The following PAG1 variants were observed in gnomAD, a reference collection of about 807,000 sequenced individuals.
PAG1 encodes phosphoprotein membrane anchor with glycosphingolipid microdomains 1.
A neutral mutation model predicts 31.7 loss-of-function variants in PAG1; 23 were observed. The observed-to-expected ratio is 0.73, with a 90% CI of 0.52 to 1.03. The LOEUF is 1.03. Ranked by LOEUF, PAG1 falls within the 50% of genes least tolerant of loss-of-function variation. PAG1 has a pLI of 0.00. For missense variants in PAG1, 473 were observed against 540.7 expected (o/e 0.87, Z 1.24); for synonymous variants, 214 against 210.3 (o/e 1.02, Z -0.15).
chr8:81,059,192 T>C (rs979742897), intron 2 of PAG1, among the ~76,000 whole-genome samples: 3 of 152,148 alleles, frequency 2.0e-5, no homozygotes, highest in Admixed American at 2.0e-4. Context: ...TTGTAAATGC[T>C]ATGTAAGTAG....
chr8:81,065,872 AT>A (rs1162634771), intron 2 of PAG1, among the ~76,000 whole-genome samples: 3 of 151,592 alleles, frequency 2.0e-5, no homozygotes, highest in African/African-American at 4.8e-5. Context: ...TGTCATATAT[AT>A]ATATCAACAA....
chr8:81,091,726 G>C (rs928494032), intron 1 of PAG1, among the ~76,000 whole-genome samples: 4 of 151,938 alleles, frequency 2.6e-5, no homozygotes, highest in African/African-American at 9.7e-5. Context: ...AGTAGGACTT[G>C]GTAAATGCTA....
chr8:81,003,282 G>A (rs1373298728), intron 3 of PAG1, among the ~76,000 whole-genome samples: 1 of 152,128 alleles, frequency 6.6e-6, no homozygotes, highest in African/African-American at 2.4e-5. Flanking sequence ...TCTGGAGCGG[G>A]GCTCAAGAGT....
intron 3 of PAG1, among the ~76,000 whole-genome samples, chr8:81,002,115 G>A (rs887631117): frequency 1.3e-5 from 2 of 152,104 alleles, no homozygotes; most frequent in African/African-American, 4.8e-5. Context: ...CTACAGGCAG[G>A]CCAGTTTACT....
intron 3 of PAG1, among the ~76,000 whole-genome samples, chr8:81,017,676 A>C (rs1242005098): frequency 6.6e-6 from 1 of 152,228 alleles, no homozygotes; most frequent in Non-Finnish European, 1.5e-5. Context: ...TACAAAGAGC[A>C]GGAGCATTCC....
chr8:81,056,140 CT>C (rs1457043860), intron 2 of PAG1, among the ~76,000 whole-genome samples: 3 of 152,126 alleles, frequency 2.0e-5, no homozygotes, highest in Non-Finnish European at 4.4e-5. Context: ...CCATCAATAC[CT>C]AATTTGTTGA....
At chr8:81,026,663 G>A (rs894450122) in intron 3 of PAG1, among the ~76,000 whole-genome samples, 5 of 152,066 alleles carry the variant, frequency 3.3e-5, no homozygotes, top group Non-Finnish European at 7.4e-5. Flanking sequence ...CGGAAATTCC[G>A]CAGGAAAGGA....
Position 80,985,055 on chromosome 8 carries a change from G to T in PAG1, c.597C>A (p.Gly199=). The change falls in exon 7 of 9, where the codon GGC becomes GGA. Residue 199 remains glycine (G), a synonymous_variant. Transcript: ENST00000220597. ...EVAAAAHLEK[G]HSGKAKSTSA... ...AAGTAGATTTTGCCTTGCCACTGTGGCCTTTCTCCAGGTGTGCAGCTGCAG... is the reference window on the plus strand; with the variant it reads ...AAGTAGATTTTGCCTTGCCACTGTGTCCTTTCTCCAGGTGTGCAGCTGCAG... The T allele has an allele frequency of 6.2e-7, 1 of 1,614,098 alleles. No homozygotes were observed. Among genetic ancestry groups the T allele is most frequent in the Non-Finnish European group, 8.5e-7 (1 of 1,180,020 alleles).
Position 80,978,388 on chromosome 8 carries a change from G to A in PAG1, c.937-1482C>T, listed in dbSNP as rs550208325. On this transcript the variant is annotated intron_variant, in intron 8 of 8. Coordinates refer to ENST00000220597, the MANE Select transcript of PAG1 (RefSeq NM_018440.4). ...TTATAAGGAAGTGCAAACACAGAAT[G>A]TATTATCTAAATGGTGGTCCAAGCC... 5.3e-5 allele frequency among the ~76,000 whole-genome samples: 8 copies of A among 152,294 alleles called. No individual in the cohort carries two copies. The East Asian group carries it at 1.3e-3, about 26-fold the overall frequency.
chr8:81,090,528 GA>G (rs1809428007), intron 1 of PAG1, among the ~76,000 whole-genome samples: 1 of 152,222 alleles, frequency 6.6e-6, no homozygotes, highest in Admixed American at 6.5e-5. Context: ...TCCAGTGGGA[GA>G]AAGAGAGACC....
chr8:80,997,910 C>T (rs16908277), intron 3 of PAG1, among the ~76,000 whole-genome samples: 6,154 of 152,212 alleles, frequency 0.04, 425 homozygotes, highest in African/African-American at 0.14. Flanking sequence ...TGTATAATTT[C>T]GAACTACTGT....
chr8:81,077,527 T>C (rs1809198792), intron 1 of PAG1, among the ~76,000 whole-genome samples: 1 of 152,250 alleles, frequency 6.6e-6, no homozygotes. Context: ...CACATTTGAA[T>C]ACCAATTGTC....
intron 1 of PAG1, among the ~76,000 whole-genome samples, chr8:81,073,741 G>C (rs1233398480): frequency 6.6e-6 from 1 of 152,216 alleles, no homozygotes; most frequent in African/African-American, 2.4e-5. Context: ...TTCTAGTGGA[G>C]GTGGGGAACA....
chr8:81,008,602 T>C (rs1024659353), intron 3 of PAG1, among the ~76,000 whole-genome samples: 1 of 149,752 alleles, frequency 6.7e-6, no homozygotes, highest in South Asian at 2.1e-4. Context: ...ATACTACTAC[T>C]GTAAGAATTT....
In PAG1 at chr8:81,074,163, C is replaced by T. The variant is rs1809139088; in HGVS notation, c.-233-3993G>A. ...AAGAAGATGATCCAGAAAAGCAGAA[C>T]AATGGACAGAATAGCGGCACAGGGA... On this transcript the variant is annotated intron_variant, in intron 1 of 8. Transcript: ENST00000220597. Among the ~76,000 whole-genome samples, 3 of 152,276 alleles carry T rather than the reference C, an allele frequency of 2.0e-5. No individual in the cohort carries two copies. The South Asian group carries it at 6.2e-4, about 32-fold the overall frequency.
intron 3 of PAG1, among the ~76,000 whole-genome samples, chr8:81,008,338 T>G (rs1807922189): frequency 1.3e-5 from 2 of 152,012 alleles, no homozygotes; most frequent in South Asian, 4.1e-4. Flanking sequence ...GGCTCACTAG[T>G]AGTCACTGGT....
chr8:80,984,087 A>T (rs1326707515), intron 7 of PAG1, among the ~76,000 whole-genome samples: 1 of 152,196 alleles, frequency 6.6e-6, no homozygotes, highest in Non-Finnish European at 1.5e-5. Flanking sequence ...AACAGAAATT[A>T]ATTATTAGTT....
At chr8:81,097,642 C>T (rs1809548943) in intron 1 of PAG1, among the ~76,000 whole-genome samples, 1 of 151,170 alleles carries the variant, frequency 6.6e-6, no homozygotes, top group South Asian at 2.1e-4. Context: ...GGCAATGATT[C>T]AATTTCATAC....
chr8:81,027,904 CAAAAA>C (rs35780204), intron 3 of PAG1, among the ~76,000 whole-genome samples: 3 of 52,834 alleles, frequency 5.7e-5, no homozygotes, highest in African/African-American at 1.2e-4. Context: ...GACTCCGTCT[CAAAAA>C]AAAAAAAAAA....
Sources: gnomAD v4.1 joint callset for allele counts (sites outside exome capture counted in the v4.1 genomes callset) on GRCh38, gnomAD v4.1.1 for gene constraint, MANE v1.5 for transcripts, NCBI Gene and HGNC (gene_info 2026-07-23, HGNC 2026-07-21) for gene names.